Variants in C10orf71 observed in about 807,000 individuals in gnomAD.
C10orf71 encodes the protein cardiac-enriched FHL2-interacting protein.
For missense variants in C10orf71, 1,869 were observed against 1,804.5 expected, an observed-to-expected ratio of 1.04 and a Z score of -0.65; for synonymous variants, 758 against 726.3, an observed-to-expected ratio of 1.04 and a Z score of -0.70.
At chr10:49,310,517 C>A (rs886811837) in intron 1 of C10orf71, among the ~76,000 whole-genome samples, 6 of 152,202 alleles carry the variant, frequency 3.9e-5, no homozygotes, top group African/African-American at 1.4e-4. Flanking sequence ...TGCTGTGTGG[C>A]ACTGAGCAAC....
intron 1 of C10orf71, among the ~76,000 whole-genome samples, chr10:49,304,772 C>A (rs1041925687): frequency 6.6e-6 from 1 of 152,214 alleles, no homozygotes; most frequent in African/African-American, 2.4e-5. Flanking sequence ...TGAGGGGATA[C>A]CCCCATCCCA....
rs1207322772 is a variant in C10orf71 at position 49,325,600 on chromosome 10, C to G, written c.3055C>G (p.Gln1019Glu). 3.9e-6 allele frequency: 6 copies of G among 1,551,882 alleles called. No individual in the cohort carries two copies. The East Asian group carries it at 1.5e-4, about 38-fold the overall frequency. Residue 1019 changes from glutamine (Q) to glutamate (E), a missense_variant, in exon 3 of 3, where the codon CAG (glutamine) becomes GAG (glutamate). Physicochemically the swap from Gln to Glu is conservative, Grantham distance 29. Transcript: ENST00000374144. ...GDIEDQPPPW[Q>E]PENCWEEQTP... ...CATAGAAGACCAGCCACCCCCATGG[C>G]AGCCCGAAAACTGTTGGGAAGAGCA...
intron 1 of C10orf71, among the ~76,000 whole-genome samples, chr10:49,310,494 C>T (rs1848892144): frequency 6.6e-6 from 1 of 152,206 alleles, no homozygotes; most frequent in Non-Finnish European, 1.5e-5. Context: ...CCCAGTTCTT[C>T]CCTGTCTTTA....
At chr10:49,306,205 C>A (rs1293872131) in intron 1 of C10orf71, among the ~76,000 whole-genome samples, 1 of 152,194 alleles carries the variant, frequency 6.6e-6, no homozygotes, top group African/African-American at 2.4e-5. Flanking sequence ...GATCCAGGAC[C>A]TGGTGGTTTG....
chr10:49,325,566 C>T lies in C10orf71; in HGVS notation c.3021C>T (p.Pro1007=), dbSNP rs545241202. The T allele has an allele frequency of 5.3e-5, 82 of 1,550,726 alleles. No homozygotes were observed. The East Asian group carries it at 1.8e-3, about 34-fold the overall frequency. The change falls in exon 3 of 3, where the codon CCC becomes CCT. Residue 1007 remains proline, a synonymous_variant. Coordinates refer to ENST00000374144, the MANE Select transcript of C10orf71 (RefSeq NM_001135196.2). ...GGCACATCCCCACCATTGCTTTACC[C>T]GAGGGTGACATAGAAGACCAGCCAC... The part of the protein sequence containing the change: ...APWHIPTIAL[P]EGDIEDQPPP...
chr10:49,324,850 G>A lies in C10orf71; in HGVS notation c.2305G>A (p.Glu769Lys). ...GAGTGCAGGTGACAGTCAGAAGGAT[G>A]AGAAGGAGAATGTGATGCGGAAGGA... ...DVSAGDSQKD[E>K]KENVMRKDEL... Residue 769 changes from glutamate (E) to lysine (K), a missense_variant, in exon 3 of 3, where the codon GAG becomes AAG. Physicochemically the swap from Glu to Lys is moderately conservative, Grantham distance 56 (BLOSUM62 1). Transcript: ENST00000374144. 4 of 1,551,946 alleles carry A rather than the reference G, an allele frequency of 2.6e-6. No individual in the cohort carries two copies. The Admixed American group carries it at 5.9e-5, about 23-fold the overall frequency.
In C10orf71 at chr10:49,327,038, C is replaced by A; in HGVS notation, c.*185C>A. Reference sequence around the variant, plus strand: ...GTAGGGATCCCAAGACGACCTCACCCAAAGGGCTCCCTGGCTCTCCTCTGA... The same window carrying A: ...GTAGGGATCCCAAGACGACCTCACCAAAAGGGCTCCCTGGCTCTCCTCTGA... On this transcript the variant is annotated 3_prime_UTR_variant, in exon 3 of 3. Coordinates refer to ENST00000374144, the MANE Select transcript of C10orf71 (RefSeq NM_001135196.2). 6.4e-7 allele frequency: 1 copy of A among 1,570,078 alleles called. No homozygotes were observed. The highest frequency in any genetic ancestry group is 8.7e-7 in the Non-Finnish European group (1 of 1,155,540).
chr10:49,321,564 C>A (rs1271440142), intron 2 of C10orf71, among the ~76,000 whole-genome samples: 3 of 152,182 alleles, frequency 2.0e-5, no homozygotes, highest in Non-Finnish European at 4.4e-5. Context: ...TGGGCCTGTA[C>A]CCAGATATGG....
intron 2 of C10orf71, among the ~76,000 whole-genome samples, chr10:49,319,460 G>C (rs1849053888): frequency 6.6e-6 from 1 of 152,002 alleles, no homozygotes; most frequent in East Asian, 1.9e-4. Context: ...CAGTCTAGAA[G>C]TTCCTTAAAA....
At position 49,324,672 on chromosome 10, in the gene C10orf71, G is replaced by T. The variant is rs1849182544; in HGVS notation, c.2127G>T (p.Val709=). 1.2e-6 allele frequency: 2 copies of T among 1,611,988 alleles called. No individual in the cohort carries two copies. Among genetic ancestry groups the T allele is most frequent in the African/African-American group, 2.7e-5 (2 of 74,886 alleles). ...PGPLSPEEED[V]FYSDSQSDFM... is the part of the protein sequence containing the mutation. ...CCCTCTCTCCTGAGGAGGAAGATGTGTTTTACAGTGACAGCCAATCCGATT... is the reference window on the plus strand; with the variant it reads ...CCCTCTCTCCTGAGGAGGAAGATGTTTTTTACAGTGACAGCCAATCCGATT... The change falls in exon 3 of 3, where the codon GTG becomes GTT. Residue 709 remains valine (V), a synonymous_variant. Transcript: ENST00000374144.
rs192160684 is a variant in C10orf71 at position 49,322,803 on chromosome 10, G to A, written c.258G>A (p.Pro86=). The A allele has an allele frequency of 3.6e-5, 58 of 1,613,780 alleles. No individual in the cohort carries two copies. The highest frequency in any genetic ancestry group is 2.4e-4 in the African/African-American group (18 of 75,046). The stretch of plus-strand genomic sequence containing the variant: ...AAAGTGGCATTTGGAGCCAGTTACC[G>A]TCACAGGGCACGGAACATTCGGGCT... The part of the protein sequence containing the change: ...QRKSGIWSQL[P]SQGTEHSGWA... The change falls in exon 3 of 3, where the codon CCG becomes CCA. Residue 86 remains proline, a synonymous_variant. Transcript: ENST00000374144.
chr10:49,324,006 G>T lies in C10orf71; in HGVS notation c.1461G>T (p.Gln487His). ...AAGAGAAGGAGCCCAGTGAATGTCA[G>T]TCTCGAGACAGCTACAAGTCCAAAG... Reference protein sequence around the residue: ...GYQEKEPSECQSRDSYKSKAP... With the variant: ...GYQEKEPSECHSRDSYKSKAP... Residue 487 changes from glutamine (Q) to histidine (H), a missense_variant, in exon 3 of 3, where the codon CAG becomes CAT. Coordinates refer to ENST00000374144, the MANE Select transcript of C10orf71 (RefSeq NM_001135196.2). The T allele has an allele frequency of 6.2e-7, 1 of 1,613,618 alleles. No homozygotes were observed. The highest frequency in any genetic ancestry group is 8.5e-7 in the Non-Finnish European group (1 of 1,179,720).
chr10:49,322,762 G>T lies in C10orf71; in HGVS notation c.217G>T (p.Gly73Cys). ...TGGGACTTTTCACCAGAGAACAGTGGGCCACACCCAGAGGAAAAGTGGCAT... is the reference window on the plus strand; with the variant it reads ...TGGGACTTTTCACCAGAGAACAGTGTGCCACACCCAGAGGAAAAGTGGCAT... The part of the protein sequence containing the change: ...VFGTFHQRTV[G>C]HTQRKSGIWS... The change falls in exon 3 of 3, where the codon GGC becomes TGC. Residue 73 changes from glycine (G) to cysteine (C), a missense_variant. By Grantham distance (159) the Gly-to-Cys change is radical. Transcript: ENST00000374144. The T allele has an allele frequency of 6.2e-7, 1 of 1,613,498 alleles. No homozygotes were observed. The highest frequency in any genetic ancestry group is 1.1e-5 in the South Asian group (1 of 91,054).
At position 49,324,495 on chromosome 10, in the gene C10orf71, C is replaced by G. The variant is rs1249506220; in HGVS notation, c.1950C>G (p.Cys650Trp). 1 of 1,610,720 alleles carries G rather than the reference C, an allele frequency of 6.2e-7. No homozygotes were observed. ...RPRKHLSLRL[C>W]NRDPEPGGAT... ...GGAAACACCTCTCCCTGAGGCTTTG[C>G]AATAGGGATCCTGAGCCTGGAGGGG... Residue 650 changes from cysteine to tryptophan, a missense_variant, in exon 3 of 3, where the codon TGC becomes TGG. Physicochemically the swap from Cys to Trp is radical, Grantham distance 215. Coordinates refer to ENST00000374144, the MANE Select transcript of C10orf71 (RefSeq NM_001135196.2).
In C10orf71 at chr10:49,325,605, C is replaced by G. The variant is rs115787597; in HGVS notation, c.3060C>G (p.Pro1020=). The stretch of plus-strand genomic sequence containing the variant: ...AAGACCAGCCACCCCCATGGCAGCC[C>G]GAAAACTGTTGGGAAGAGCAAACAC... The part of the protein sequence containing the change: ...DIEDQPPPWQ[P]ENCWEEQTPG... Residue 1020 remains proline (P), a synonymous_variant, in exon 3 of 3, where the codon CCC becomes CCG. Transcript: ENST00000374144. 7.0e-5 allele frequency: 108 copies of G among 1,551,914 alleles called. No individual in the cohort carries two copies. Among genetic ancestry groups the G allele is most frequent in the Non-Finnish European group, 8.7e-5 (100 of 1,147,066 alleles).
chr10:49,315,045 G>C (rs1183928589), intron 1 of C10orf71, among the ~76,000 whole-genome samples: 1 of 152,142 alleles, frequency 6.6e-6, no homozygotes, highest in Non-Finnish European at 1.5e-5. Flanking sequence ...AGTGACAACA[G>C]AGCTGAGCTA....
chr10:49,312,399 G>GGC (rs1350675784), intron 1 of C10orf71, among the ~76,000 whole-genome samples: 2 of 152,226 alleles, frequency 1.3e-5, no homozygotes, highest in Non-Finnish European at 2.9e-5. Flanking sequence ...TGCAGAACAT[G>GGC]GCGCTGTTGA....
chr10:49,314,644 G>A (rs1214649509), intron 1 of C10orf71, among the ~76,000 whole-genome samples: 20 of 152,114 alleles, frequency 1.3e-4, no homozygotes, highest in Non-Finnish European at 1.8e-4. Flanking sequence ...CTGCACCTCC[G>A]TCTCATCCAT....
intron 2 of C10orf71, 46 bp from the exon 3 acceptor site, chr10:49,322,356 T>C: frequency 1.7e-6 from 1 of 602,944 alleles, no homozygotes; most frequent in South Asian, 2.2e-5. Flanking sequence ...TATTCTTGTG[T>C]AGAGCTGTAT....
Sources: allele counts gnomAD v4.1 joint callset (sites outside exome capture counted in the v4.1 genomes callset), GRCh38; gene constraint gnomAD v4.1.1; transcripts MANE v1.5; gene names NCBI Gene and HGNC (gene_info 2026-07-23, HGNC 2026-07-21).